Variants in UBAP2 observed in about 807,000 individuals in gnomAD.
UBAP2 encodes the protein ubiquitin-associated protein 2.
A neutral mutation model predicts 139.6 loss-of-function variants in UBAP2; 75 were observed. The observed-to-expected ratio is 0.54, with a 90% CI of 0.45 to 0.65. UBAP2 has a LOEUF of 0.65. UBAP2 is among the 30% of genes least tolerant of loss of function. The probability of loss-of-function intolerance (pLI) is 0.00; values close to 1 mark genes in which losing one functional copy is unlikely to be tolerated. For missense variants in UBAP2, 1,368 were observed against 1,369.6 expected (o/e 1.00, Z 0.02); for synonymous variants, 526 against 526.2 (o/e 1.00, Z 0.01).
intron 4 of UBAP2, among the ~76,000 whole-genome samples, chr9:33,993,722 C>T (rs1256395390): frequency 1.3e-5 from 2 of 152,108 alleles, no homozygotes; most frequent in South Asian, 2.1e-4. Context: ...CTACTTCTGT[C>T]CCCCACAGCC....
At chr9:33,926,859 A>G in intron 21 of UBAP2, 130 bp downstream of exon 21, 1 of 1,018,082 alleles carries the variant, frequency 9.8e-7, no homozygotes, top group Non-Finnish European at 1.5e-6. Flanking sequence ...AGTGGGGCAG[A>G]GACGGGGGTG....
intron 1 of UBAP2, among the ~76,000 whole-genome samples, chr9:34,040,645 A>G (rs1251360128): frequency 1.3e-5 from 2 of 152,184 alleles, no homozygotes. Flanking sequence ...GGCGTTCATG[A>G]AAGATATATC....
chr9:34,017,670 T>G (rs78000685), intron 1 of UBAP2, among the ~76,000 whole-genome samples: 5 of 152,182 alleles, frequency 3.3e-5, no homozygotes, highest in African/African-American at 9.7e-5. Flanking sequence ...CTCACGCCTG[T>G]AATCCCAGCA....
chr9:34,029,445 C>CT (rs1825696596), intron 1 of UBAP2, among the ~76,000 whole-genome samples: 1 of 151,744 alleles, frequency 6.6e-6, no homozygotes, highest in East Asian at 1.9e-4. Context: ...AGGAGAATTG[C>CT]TTGAACCCAG....
chr9:33,986,389 C>T (rs569329705), intron 6 of UBAP2, among the ~76,000 whole-genome samples: 1 of 152,258 alleles, frequency 6.6e-6, no homozygotes, highest in South Asian at 2.1e-4. Flanking sequence ...AAGACTACAA[C>T]TCACTGAAAG....
intron 1 of UBAP2, among the ~76,000 whole-genome samples, chr9:34,043,580 T>C (rs1827282532): frequency 1.4e-5 from 1 of 71,112 alleles, no homozygotes; most frequent in South Asian, 3.7e-4. Flanking sequence ...CAATCATAGC[T>C]CACTGTGGCC....
intron 9 of UBAP2, among the ~76,000 whole-genome samples, chr9:33,963,054 A>C (rs921516280): frequency 6.6e-6 from 1 of 152,194 alleles, no homozygotes; most frequent in African/African-American, 2.4e-5. Context: ...TATTTTGAAA[A>C]TAATTAAACA....
At chr9:33,997,551 T>A (rs776061375) in intron 3 of UBAP2, 1 of 152,220 alleles carries the variant, frequency 6.6e-6, no homozygotes, top group Non-Finnish European at 1.5e-5. Context: ...AAGTTCTGCA[T>A]ACTCTATAGC....
At chr9:33,968,595 G>T in intron 8 of UBAP2, 1 of 308,232 alleles carries the variant, frequency 3.2e-6, no homozygotes, top group Non-Finnish European at 6.4e-6. Flanking sequence ...AATCATGAAC[G>T]AATATTGAAC....
chr9:33,976,226 C>T (rs1828334602), intron 6 of UBAP2, among the ~76,000 whole-genome samples: 1 of 151,602 alleles, frequency 6.6e-6, no homozygotes, highest in South Asian at 2.1e-4. Context: ...AGCTACAAAA[C>T]AAGGAAACTA....
intron 6 of UBAP2, among the ~76,000 whole-genome samples, chr9:33,973,976 G>A (rs945524324): frequency 1.3e-5 from 2 of 152,190 alleles, no homozygotes; most frequent in African/African-American, 2.4e-5. Context: ...GGAGGCTGAG[G>A]TGGAAGGGTG....
intron 9 of UBAP2, among the ~76,000 whole-genome samples, chr9:33,962,680 A>AATTAATTAAT (rs1554683930): frequency 7.1e-4 from 103 of 145,652 alleles, no homozygotes; most frequent in East Asian, 3.5e-3. Flanking sequence ...AAATAAATAA[A>AATTAATTAAT]TAATTAAAAA....
chr9:33,993,007 T>A (rs1821851707), intron 4 of UBAP2, among the ~76,000 whole-genome samples: 1 of 152,140 alleles, frequency 6.6e-6, no homozygotes, highest in Non-Finnish European at 1.5e-5. Flanking sequence ...AACAACTTAC[T>A]AAAAAGAGTT....
At chr9:34,003,688 T>G (rs1325814417) in intron 2 of UBAP2, among the ~76,000 whole-genome samples, 1 of 151,948 alleles carries the variant, frequency 6.6e-6, no homozygotes, top group Non-Finnish European at 1.5e-5. Context: ...ATTACAGGCG[T>G]GAGCCACCAC....
At chr9:34,013,698 G>A (rs1370863457) in intron 2 of UBAP2, among the ~76,000 whole-genome samples, 2 of 151,838 alleles carry the variant, frequency 1.3e-5, no homozygotes, top group Non-Finnish European at 2.9e-5. Context: ...CCAACACGGC[G>A]AAACCCCGTC....
chr9:34,016,379 T>TGGTGGTGGG (rs1824340056), intron 2 of UBAP2, among the ~76,000 whole-genome samples: 1 of 42,908 alleles, frequency 2.3e-5, no homozygotes, highest in Non-Finnish European at 5.0e-5. Flanking sequence ...GCGGTGGTGG[T>TGGTGGTGGG]GGTGGTGGTG....
intron 22 of UBAP2, among the ~76,000 whole-genome samples, chr9:33,925,360 A>G (rs1213656261): frequency 3.3e-5 from 5 of 152,188 alleles, no homozygotes. Flanking sequence ...ACTTTCACAG[A>G]ACACGAGAAT....
intron 9 of UBAP2, among the ~76,000 whole-genome samples, chr9:33,962,604 C>A (rs1342147410): frequency 6.6e-6 from 1 of 151,136 alleles, no homozygotes; most frequent in East Asian, 1.9e-4. Flanking sequence ...TGAGATCATG[C>A]CACTGCTCCA....
At chr9:33,982,966 G>A (rs1226563357) in intron 6 of UBAP2, among the ~76,000 whole-genome samples, 3 of 149,150 alleles carry the variant, frequency 2.0e-5, no homozygotes, top group South Asian at 2.1e-4. Context: ...AGCAACCTCC[G>A]CCTCCCAGGT....
Sources: allele counts gnomAD v4.1 joint callset (sites outside exome capture counted in the v4.1 genomes callset), GRCh38; gene constraint gnomAD v4.1.1; transcripts MANE v1.5; gene names NCBI Gene and HGNC (gene_info 2026-07-23, HGNC 2026-07-21).